The following DNAH11 variants were observed in gnomAD, a reference collection of about 807,000 sequenced individuals.
DNAH11 encodes axonemal beta dynein heavy chain 11.
DNAH11 carries 442 observed loss-of-function variants against 526.0 expected under a neutral mutation model. That is an observed-to-expected ratio of 0.84 (90% confidence interval 0.78 to 0.91). The LOEUF is 0.91. Ranked by LOEUF, DNAH11 falls within the 40% of genes least tolerant of loss-of-function variation. The probability of loss-of-function intolerance (pLI) is 0.00; values close to 1 mark genes in which losing one functional copy is unlikely to be tolerated. For missense variants in DNAH11, 6,989 were observed against 5,448.7 expected (o/e 1.28, Z -8.90); for synonymous variants, 2,461 against 1,935.9 (o/e 1.27, Z -7.12).
chr7:21,687,347 C>A (rs1236975546), intron 33 of DNAH11, 35 bp from the exon 34 acceptor site: 2 of 1,584,616 alleles, frequency 1.3e-6, no homozygotes, highest in African/African-American at 2.7e-5. Context: ...AAAACCCCTT[C>A]TGTTAAATTC....
rs569494115 is a variant in DNAH11, at chr7:21,639,011, C to T, written c.4890C>T (p.Phe1630=). The part of the protein sequence containing the change: ...TKRIAFPRFY[F]VSSADLLDIL... ...GCATAGCCTTTCCTCGCTTCTATTT[C>T]GTCTCTTCTGCTGATTTACTTGACA... Residue 1630 remains phenylalanine (F), a synonymous_variant, in exon 28 of 82, where the codon TTC becomes TTT. Transcript: ENST00000409508. 70 of 1,613,644 alleles carry T rather than the reference C, an allele frequency of 4.3e-5. No individual in the cohort carries two copies. The highest frequency in any genetic ancestry group is 3.3e-4 in the Middle Eastern group (2 of 6,062).
At chr7:21,591,786 T>G (rs1583509174) in intron 14 of DNAH11, among the ~76,000 whole-genome samples, 1 of 152,278 alleles carries the variant, frequency 6.6e-6, no homozygotes, top group East Asian at 1.9e-4. Flanking sequence ...GGGAAGAGAT[T>G]AGAATGTGAG....
At position 21,564,524 on chromosome 7, in the gene DNAH11, A is replaced by T. The variant is rs531229011; in HGVS notation, c.1194+127A>T. The T allele has an allele frequency of 1.4e-5, 9 of 661,322 alleles. No individual in the cohort carries two copies. The South Asian group carries it at 2.5e-4, about 18-fold the overall frequency. The allele number at this position is 661,322 out of a possible 1,614,324, so 41.0% of individuals were successfully genotyped here. On this transcript the variant is annotated intron_variant, in intron 6 of 81. Transcript: ENST00000409508. ...TTCTTTTTCTTTTTTCAGAAAGGAC[A>T]TTTTTGGTAACAAAGGCCAGGTAAC... is the stretch of plus-strand genomic sequence containing the variant.
chr7:21,869,406 G>C (rs973197007), intron 73 of DNAH11, among the ~76,000 whole-genome samples: 2 of 151,832 alleles, frequency 1.3e-5, no homozygotes, highest in African/African-American at 4.8e-5. Context: ...CCTTAGCATA[G>C]CTAAAACCAG....
chr7:21,789,635 G>C (rs558896156), intron 61 of DNAH11, among the ~76,000 whole-genome samples: 28 of 152,220 alleles, frequency 1.8e-4, no homozygotes, highest in African/African-American at 6.3e-4. Context: ...GGCTTCTGGA[G>C]TCAGACTATC....
chr7:21,570,306 A>G lies in DNAH11; in HGVS notation c.1425+7A>G. 6.3e-7 allele frequency: 1 copy of G among 1,582,806 alleles called. No individual in the cohort carries two copies. On this transcript the variant is annotated splice_region_variant and intron_variant, in intron 7 of 81. Coordinates refer to ENST00000409508, the MANE Select transcript of DNAH11 (RefSeq NM_001277115.2). ...TCGTTTAATAAAAATAGAGGTATTC[A>G]TTTTTTGATTTTATTTATTCATGTT... is the stretch of plus-strand genomic sequence containing the variant.
At chr7:21,893,390 T>C (rs1179619316) in intron 77 of DNAH11, among the ~76,000 whole-genome samples, 3 of 152,216 alleles carry the variant, frequency 2.0e-5, no homozygotes, top group South Asian at 2.1e-4. Context: ...CAATCCTCAA[T>C]TGAGGAGTAA....
At chr7:21,782,849 G>T (rs1452610339) in intron 57 of DNAH11, among the ~76,000 whole-genome samples, 1 of 151,474 alleles carries the variant, frequency 6.6e-6, no homozygotes, top group African/African-American at 2.4e-5. Flanking sequence ...GGCGGAGGTT[G>T]CAGTGAGCCG....
At chr7:21,558,456 T>A (rs1783310080) in intron 2 of DNAH11, among the ~76,000 whole-genome samples, 1 of 152,198 alleles carries the variant, frequency 6.6e-6, no homozygotes, top group Admixed American at 6.6e-5. Context: ...GAAAGATTGT[T>A]TTCATTAATG....
chr7:21,558,986 G>T lies in DNAH11; in HGVS notation c.680G>T (p.Cys227Phe), dbSNP rs140085329. The T allele has an allele frequency of 6.3e-7, 1 of 1,578,020 alleles. No individual in the cohort carries two copies. The highest frequency in any genetic ancestry group is 8.6e-7 in the Non-Finnish European group (1 of 1,160,488). Residue 227 changes from cysteine to phenylalanine, a missense_variant, in exon 3 of 82, where the codon TGT (cysteine) becomes TTT (phenylalanine). Physicochemically the swap from Cys to Phe is radical, Grantham distance 205 (BLOSUM62 -2). Coordinates refer to ENST00000409508, the MANE Select transcript of DNAH11 (RefSeq NM_001277115.2). Reference protein sequence around the residue: ...VAGKMDLDQNCSENKPPSNER... With the variant: ...VAGKMDLDQNFSENKPPSNER... ...GGAAAGATGGATCTGGATCAGAATT[G>T]TTCAGAGAACAAGTACGTAACAGTA...
At chr7:21,892,141 A>G (rs1784348185) in intron 76 of DNAH11, among the ~76,000 whole-genome samples, 1 of 152,136 alleles carries the variant, frequency 6.6e-6, no homozygotes, top group South Asian at 2.1e-4. Flanking sequence ...AGGCTCTGTG[A>G]TGGCTCATTC....
In DNAH11 at chr7:21,633,751, G is replaced by A. The variant is rs555796181; in HGVS notation, c.4501-2120G>A. Among the ~76,000 whole-genome samples, 6 of 152,298 alleles carry A rather than the reference G, an allele frequency of 3.9e-5. No homozygotes were observed. The South Asian group carries it at 1.2e-3, about 32-fold the overall frequency. On this transcript the variant is annotated intron_variant, in intron 25 of 81. Transcript: ENST00000409508. ...AGAGGCTTTGTGATTAAGGTGGGCGGAAGACCCAGGGAGGGCCTTAGAAGA... is the reference window on the plus strand; with the variant it reads ...AGAGGCTTTGTGATTAAGGTGGGCGAAAGACCCAGGGAGGGCCTTAGAAGA...
intron 81 of DNAH11, 80 bp from the exon 82 acceptor site, chr7:21,900,926 TA>T: frequency 7.1e-7 from 1 of 1,414,778 alleles, no homozygotes; most frequent in Non-Finnish European, 9.3e-7. Flanking sequence ...GTTGAATGTT[TA>T]TTGCATCAAA....
intron 66 of DNAH11, among the ~76,000 whole-genome samples, chr7:21,849,126 C>T (rs1048748147): frequency 1.3e-5 from 2 of 152,200 alleles, no homozygotes; most frequent in Non-Finnish European, 2.9e-5. Flanking sequence ...CTCAGGTGTT[C>T]CACCTGCCTC....
chr7:21,631,809 G>A (rs751313055), intron 25 of DNAH11, among the ~76,000 whole-genome samples: 12 of 152,116 alleles, frequency 7.9e-5, no homozygotes, highest in Non-Finnish European at 1.3e-4. Flanking sequence ...ACAAGCTGTC[G>A]GTGGATCTAC....
chr7:21,881,310 C>T (rs1783916928), intron 75 of DNAH11, among the ~76,000 whole-genome samples: 1 of 152,200 alleles, frequency 6.6e-6, no homozygotes, highest in African/African-American at 2.4e-5. Flanking sequence ...AAGCAATTTA[C>T]AGCGCGTCAC....
intron 32 of DNAH11, among the ~76,000 whole-genome samples, chr7:21,686,787 T>C (rs1783394498): frequency 6.6e-6 from 1 of 152,186 alleles, no homozygotes; most frequent in South Asian, 2.1e-4. Context: ...TATCTTTACC[T>C]AGAAATATCA....
intron 78 of DNAH11, 32 bp downstream of exon 78, chr7:21,894,837 A>C: frequency 6.2e-7 from 1 of 1,611,916 alleles, no homozygotes; most frequent in Non-Finnish European, 8.5e-7. Context: ...AGTAGACTTC[A>C]GCACATTGGA....
Position 21,808,044 on chromosome 7 carries a change from C to T in DNAH11, c.10327C>T (p.Gln3443Ter), listed in dbSNP as rs1446032830. The change falls in exon 63 of 82, where the codon CAG becomes TAG. Residue 3443 changes from glutamine (Q) to a stop codon, truncating the protein, a stop_gained. Coordinates refer to ENST00000409508, the MANE Select transcript of DNAH11 (RefSeq NM_001277115.2). LOFTEE classifies it high-confidence loss of function. ...CTGCAAGTGGGTTCCCTTTCTTCAA[C>T]AGAAGGTAAGTTCAGTTCCTTACCT... ...VHCKWVPFLQ[Q>*]KVSIPLTEGL... 1 of 1,531,858 alleles carries T rather than the reference C, an allele frequency of 6.5e-7. No individual in the cohort carries two copies. The highest frequency in any genetic ancestry group is 8.9e-7 in the Non-Finnish European group (1 of 1,126,588). 94.9% of individuals were successfully genotyped at this position (1,531,858 alleles called of 1,614,324 possible).
Sources: allele counts gnomAD v4.1 joint callset (sites outside exome capture counted in the v4.1 genomes callset), GRCh38; gene constraint gnomAD v4.1.1; transcripts MANE v1.5; gene names NCBI Gene and HGNC (gene_info 2026-07-23, HGNC 2026-07-21).